The following DGKB variants were observed in gnomAD, a reference collection of about 807,000 sequenced individuals.
The protein encoded by DGKB is diacylglycerol kinase beta, also known as 90 kDa diacylglycerol kinase.
A neutral mutation model predicts 114.3 loss-of-function variants in DGKB; 67 were observed. The observed-to-expected ratio is 0.59, with a 90% CI of 0.48 to 0.72. The LOEUF (loss-of-function observed/expected upper bound fraction) is 0.72, where lower values mean the gene tolerates loss of function less well. Among genes scored for constraint, DGKB ranks in the 30% least tolerant of loss-of-function variants. The pLI, the probability that DGKB is intolerant of heterozygous loss-of-function variation, is 0.00. For missense variants in DGKB, 907 were observed against 975.2 expected, an observed-to-expected ratio of 0.93 and a Z score of 0.93; for synonymous variants, 398 against 323.1, an observed-to-expected ratio of 1.23 and a Z score of -2.49.
intron 20 of DGKB, among the ~76,000 whole-genome samples, chr7:14,493,144 GA>G (rs376063322): frequency 6.6e-6 from 1 of 152,172 alleles, no homozygotes; most frequent in African/African-American, 2.4e-5. Flanking sequence ...ACTATGGATT[GA>G]AAATGGAGTT....
rs1414498306 is a variant in DGKB, at chr7:14,694,243, A to G, written c.592-49T>C. On this transcript the variant is annotated intron_variant, in intron 8 of 25. Coordinates refer to ENST00000402815, the MANE Select transcript of DGKB (RefSeq NM_001350709.2). ...AATTGGTGGTCAACCAATAAAATAA[A>G]TTTCATAGGCTACAACATATGAAAT... The G allele has an allele frequency of 3.3e-6, 5 of 1,509,588 alleles. No homozygotes were observed. In the South Asian group the frequency reaches 6.1e-5, roughly 18 times the overall value. 93.5% of individuals were successfully genotyped at this position (1,509,588 alleles called of 1,614,324 possible).
chr7:14,359,622 T>C (rs1436534213), intron 21 of DGKB, among the ~76,000 whole-genome samples: 2 of 151,826 alleles, frequency 1.3e-5, no homozygotes, highest in Admixed American at 1.3e-4. Flanking sequence ...ATTTTCAAGA[T>C]AAAAAGCAAA....
At chr7:14,288,114 A>T (rs978418338) in intron 23 of DGKB, among the ~76,000 whole-genome samples, 4 of 151,974 alleles carry the variant, frequency 2.6e-5, no homozygotes, top group African/African-American at 9.7e-5. Flanking sequence ...GTAGTATCTT[A>T]TTGGAGCCAG....
chr7:14,861,896 T>C (rs1851033482), intron 1 of DGKB, among the ~76,000 whole-genome samples: 1 of 152,014 alleles, frequency 6.6e-6, no homozygotes, highest in Non-Finnish European at 1.5e-5. Context: ...GCAAGATTTG[T>C]TCTTATGGAA....
In DGKB at chr7:14,146,888, T is replaced by G. The variant is rs902280314; in HGVS notation, c.*2243A>C. 4.6e-5 allele frequency: 7 copies of G among 152,178 alleles called. No homozygotes were observed. The highest frequency in any genetic ancestry group is 1.0e-4 in the Non-Finnish European group (7 of 68,004). The allele number at this position is 152,178 out of a possible 1,614,324, so 9.4% of individuals were successfully genotyped here. On this transcript the variant is annotated 3_prime_UTR_variant, in exon 26 of 26. Transcript: ENST00000402815. ...TAAGCAGGTTGTTTAATTTGTCTCA[T>G]CCCACTGTCTATCCAACAGCTTTCT...
At chr7:14,193,780 G>A (rs1268467095) in intron 23 of DGKB, among the ~76,000 whole-genome samples, 1 of 151,912 alleles carries the variant, frequency 6.6e-6, no homozygotes, top group Non-Finnish European at 1.5e-5. Context: ...GAAAATATAT[G>A]TAGACTATAC....
intron 1 of DGKB, among the ~76,000 whole-genome samples, chr7:14,943,303 G>T (rs1027456546): frequency 2.6e-5 from 4 of 151,344 alleles, no homozygotes; most frequent in African/African-American, 9.7e-5. Flanking sequence ...TTTCTTTCTT[G>T]AATTCTAGTA....
chr7:14,250,217 C>T (rs1413462563), intron 23 of DGKB, among the ~76,000 whole-genome samples: 1 of 151,452 alleles, frequency 6.6e-6, no homozygotes, highest in Admixed American at 6.6e-5. Flanking sequence ...AATCTGCCTG[C>T]CTTAGCCTCC....
At chr7:14,492,841 A>C (rs1254417941) in intron 20 of DGKB, among the ~76,000 whole-genome samples, 1 of 152,148 alleles carries the variant, frequency 6.6e-6, no homozygotes, top group Non-Finnish European at 1.5e-5. Flanking sequence ...TACATGACAA[A>C]AAAGGGTTAA....
intron 5 of DGKB, among the ~76,000 whole-genome samples, chr7:14,727,214 G>A (rs1281066521): frequency 6.6e-6 from 1 of 151,782 alleles, no homozygotes; most frequent in Non-Finnish European, 1.5e-5. Context: ...AAGTAAAGGT[G>A]GAAAATTTGA....
At chr7:14,663,136 C>T (rs1401843384) in intron 13 of DGKB, among the ~76,000 whole-genome samples, 1 of 151,972 alleles carries the variant, frequency 6.6e-6, no homozygotes, top group African/African-American at 2.4e-5. Context: ...AAATGGTATA[C>T]TGCCAGAGTT....
At chr7:14,758,475 A>G (rs935438475) in intron 2 of DGKB, among the ~76,000 whole-genome samples, 2 of 152,228 alleles carry the variant, frequency 1.3e-5, no homozygotes, top group African/African-American at 4.8e-5. Flanking sequence ...ATTACAACGC[A>G]TTTTTAAGTT....
intron 23 of DGKB, among the ~76,000 whole-genome samples, chr7:14,235,719 G>A (rs1408749300): frequency 6.6e-6 from 1 of 152,010 alleles, no homozygotes; most frequent in Non-Finnish European, 1.5e-5. Context: ...ACCCTTAATT[G>A]TTTTTCTTTC....
chr7:14,302,306 C>G (rs1322908086), intron 23 of DGKB, among the ~76,000 whole-genome samples: 1 of 152,012 alleles, frequency 6.6e-6, no homozygotes, highest in Non-Finnish European at 1.5e-5. Flanking sequence ...TACTGCCAAT[C>G]TTCCTCTATT....
intron 23 of DGKB, among the ~76,000 whole-genome samples, chr7:14,196,226 G>T (rs1584389007): frequency 6.6e-6 from 1 of 152,008 alleles, no homozygotes; most frequent in African/African-American, 2.4e-5. Context: ...TGTTATTGTC[G>T]AAAGCACTAA....
intron 21 of DGKB, among the ~76,000 whole-genome samples, chr7:14,355,759 C>G (rs1353730454): frequency 6.6e-6 from 1 of 152,094 alleles, no homozygotes; most frequent in Non-Finnish European, 1.5e-5. Flanking sequence ...GTGTCTCTGC[C>G]AGGCTTCGGT....
intron 23 of DGKB, among the ~76,000 whole-genome samples, chr7:14,281,283 A>G (rs1210192956): frequency 2.0e-5 from 3 of 151,480 alleles, no homozygotes; most frequent in Admixed American, 2.0e-4. Context: ...CATAATGGTA[A>G]AGGGATCAAT....
intron 5 of DGKB, among the ~76,000 whole-genome samples, chr7:14,732,437 G>A (rs1288728517): frequency 6.6e-6 from 1 of 151,934 alleles, no homozygotes; most frequent in African/African-American, 2.4e-5. Context: ...AAGATTCTAT[G>A]AATGGAAAGG....
chr7:14,628,186 T>G (rs1388086960), intron 14 of DGKB, among the ~76,000 whole-genome samples: 2 of 152,148 alleles, frequency 1.3e-5, no homozygotes, highest in African/African-American at 2.4e-5. Context: ...AAAACTTACC[T>G]TGTAATTGTA....
Sources: allele counts gnomAD v4.1 joint callset (sites outside exome capture counted in the v4.1 genomes callset), GRCh38; gene constraint gnomAD v4.1.1; transcripts MANE v1.5; gene names NCBI Gene and HGNC (gene_info 2026-07-23, HGNC 2026-07-21).